RHBDD1: variants seen among roughly 807,000 people sequenced by gnomAD.
RHBDD1 encodes rhomboid-related protein 4.
RHBDD1 carries 38 observed loss-of-function variants against 36.3 expected under a neutral mutation model. That is an observed-to-expected ratio of 1.05 (90% CI 0.81 to 1.37). The LOEUF is 1.37. RHBDD1 is among the 40% of genes most tolerant of loss of function. The pLI, the probability that RHBDD1 is intolerant of heterozygous loss-of-function variation, is 0.00. For synonymous variants in RHBDD1, 151 were observed against 136.5 expected (o/e 1.11, Z -0.74); for missense variants, 393 against 377.6 (o/e 1.04, Z -0.34).
Position 226,864,616 on chromosome 2 carries a change from GTA to G in RHBDD1, c.-74_-73del. On this transcript the variant is annotated 5_prime_UTR_variant, in exon 4 of 9. The change abolishes the stop of an existing upstream ORF in the 5' untranslated region. Coordinates refer to ENST00000392062, the MANE Select transcript of RHBDD1 (RefSeq NM_001167608.3). ...TTTTGTGTTTTAGGTTCAGCCGTCT[GTA>G]TATCTCCCCAGATACCTGAAACTGA... 1.7e-6 allele frequency: 2 copies of G among 1,171,482 alleles called. No individual in the cohort carries two copies. Among genetic ancestry groups the G allele is most frequent in the Admixed American group, 4.0e-5 (2 of 49,526 alleles). 72.6% of individuals were successfully genotyped at this position (1,171,482 alleles called of 1,614,324 possible).
intron 8 of RHBDD1, among the ~76,000 whole-genome samples, chr2:226,916,966 C>T (rs1336849538): frequency 2.0e-5 from 3 of 152,088 alleles, no homozygotes; most frequent in African/African-American, 7.2e-5. Context: ...TGAAAGCACC[C>T]TCTGATGGCC....
chr2:226,900,716 T>C (rs898104511), intron 5 of RHBDD1, among the ~76,000 whole-genome samples: 4 of 152,090 alleles, frequency 2.6e-5, no homozygotes, highest in Non-Finnish European at 5.9e-5. Context: ...ACTTGTATTT[T>C]CCCCCCAGCT....
Position 226,904,531 on chromosome 2 carries a change from C to T in RHBDD1, c.567-2262C>T, listed in dbSNP as rs143088574. ...GTGTGCGTGTCTGTGTGTGTGTGCACGCGCATGCATGTGCCATGACTTTTA... is the reference window on the plus strand; with the variant it reads ...GTGTGCGTGTCTGTGTGTGTGTGCATGCGCATGCATGTGCCATGACTTTTA... On this transcript the variant is annotated intron_variant, in intron 5 of 8. Transcript: ENST00000392062. 2.2e-3 allele frequency among the ~76,000 whole-genome samples: 338 copies of T among 152,016 alleles called. 4 individuals carry two copies. Among genetic ancestry groups the T allele is most frequent in the Non-Finnish European group, 1.8e-3 (124 of 67,982 alleles).
chr2:226,988,473 C>G (rs1376156955), intron 8 of RHBDD1: 25 of 1,545,850 alleles, frequency 1.6e-5, no homozygotes, highest in Non-Finnish European at 2.2e-5. Flanking sequence ...TGCAGGGTCC[C>G]TGTAGTGGAG....
chr2:226,909,926 C>T (rs1448406154), intron 7 of RHBDD1, among the ~76,000 whole-genome samples: 4 of 152,214 alleles, frequency 2.6e-5, no homozygotes, highest in South Asian at 2.1e-4. Flanking sequence ...TTTAAAGGAC[C>T]GGACAGATAA....
In RHBDD1 at chr2:226,848,382, A is replaced by G. The variant is rs145349825; in HGVS notation, c.-91+8755A>G. ...ACCTTTCTTGGGAAAGACTATTCCT[A>G]TGCCAAGATGATGTCCTCCCTAATT... On this transcript the variant is annotated intron_variant, in intron 3 of 8. Transcript: ENST00000392062. Among the ~76,000 whole-genome samples, 1,307 of 152,324 alleles carry G rather than the reference A, an allele frequency of 8.6e-3. 14 individuals carry two copies. The highest frequency in any genetic ancestry group is 0.03 in the African/African-American group (1,229 of 41,576).
chr2:226,994,995 A>G (rs1959082030), intron 8 of RHBDD1, among the ~76,000 whole-genome samples: 1 of 152,104 alleles, frequency 6.6e-6, no homozygotes, highest in African/African-American at 2.4e-5. Context: ...GAGGCGGCAC[A>G]TTAGAGGGAA....
intron 8 of RHBDD1, among the ~76,000 whole-genome samples, chr2:226,968,361 G>T (rs551936126): frequency 6.6e-6 from 1 of 152,328 alleles, no homozygotes; most frequent in Non-Finnish European, 1.5e-5. Context: ...GGAAGGGTGA[G>T]CAGGAACTCT....
intron 8 of RHBDD1, among the ~76,000 whole-genome samples, chr2:226,977,565 C>T (rs1024788071): frequency 6.6e-6 from 1 of 152,140 alleles, no homozygotes; most frequent in Non-Finnish European, 1.5e-5. Flanking sequence ...CAATGGTGAA[C>T]CGTGAAACAC....
intron 5 of RHBDD1, among the ~76,000 whole-genome samples, chr2:226,898,597 T>G (rs1199476146): frequency 1.3e-5 from 2 of 152,222 alleles, no homozygotes; most frequent in African/African-American, 4.8e-5. Flanking sequence ...TCAATCATGC[T>G]GGTATCATGG....
intron 8 of RHBDD1, among the ~76,000 whole-genome samples, chr2:226,958,977 G>T (rs1418117766): frequency 1.3e-5 from 2 of 152,040 alleles, no homozygotes; most frequent in Non-Finnish European, 2.9e-5. Context: ...AAACCTCAAG[G>T]ATCATAATGT....
chr2:226,902,702 A>C (rs1174381884), intron 5 of RHBDD1, among the ~76,000 whole-genome samples: 1 of 152,226 alleles, frequency 6.6e-6, no homozygotes, highest in East Asian at 1.9e-4. Flanking sequence ...TAAAGCTTAA[A>C]TGAAACAAGA....
intron 1 of RHBDD1, among the ~76,000 whole-genome samples, chr2:226,836,386 G>C (rs539297108): frequency 6.6e-6 from 1 of 152,382 alleles, no homozygotes; most frequent in African/African-American, 2.4e-5. Context: ...GGAGGAAGGG[G>C]TTGGCGCTGA....
At chr2:226,867,434 AT>A in intron 5 of RHBDD1, 116 bp downstream of exon 5, 1 of 1,256,496 alleles carries the variant, frequency 8.0e-7, no homozygotes, top group South Asian at 1.6e-5. Flanking sequence ...TTCTTTATCT[AT>A]TAGGACAGAA....
intron 8 of RHBDD1, among the ~76,000 whole-genome samples, chr2:226,957,439 G>C (rs1951855772): frequency 6.6e-6 from 1 of 152,024 alleles, no homozygotes; most frequent in Non-Finnish European, 1.5e-5. Flanking sequence ...GTGAAAAGAG[G>C]CTGGGCACAG....
intron 3 of RHBDD1, among the ~76,000 whole-genome samples, chr2:226,849,161 G>A (rs1042542695): frequency 2.0e-4 from 31 of 152,350 alleles, no homozygotes; most frequent in African/African-American, 7.5e-4. Context: ...ATCTTACATG[G>A]TGGGAAACTG....
At chr2:226,806,817 A>G in the RHBDD1 span, among the ~76,000 whole-genome samples, 2 of 152,246 alleles carry the variant, frequency 1.3e-5, no homozygotes, top group South Asian at 2.1e-4. Flanking sequence ...CATGACCTAC[A>G]GTCTGAAAAC....
At chr2:226,902,323 A>G (rs991870599) in intron 5 of RHBDD1, among the ~76,000 whole-genome samples, 1 of 152,194 alleles carries the variant, frequency 6.6e-6, no homozygotes, top group South Asian at 2.1e-4. Context: ...GAGCATTCAG[A>G]TGGATCATCT....
At chr2:226,874,352 G>A (rs1447986195) in intron 5 of RHBDD1, among the ~76,000 whole-genome samples, 5 of 152,168 alleles carry the variant, frequency 3.3e-5, no homozygotes, top group Non-Finnish European at 7.3e-5. Context: ...GAGGCAGATA[G>A]TAGACAGCAT....
Sources: allele counts gnomAD v4.1 joint callset (sites outside exome capture counted in the v4.1 genomes callset), GRCh38; gene constraint gnomAD v4.1.1; transcripts MANE v1.5; gene names NCBI Gene and HGNC (gene_info 2026-07-23, HGNC 2026-07-21).